The following GPR89B variants were observed in gnomAD, a reference collection of about 807,000 sequenced individuals.
The protein encoded by GPR89B is G protein-coupled receptor 89B.
In GPR89B, 25 loss-of-function variants were observed where a neutral mutation model predicts 52.4. The ratio of observed to expected loss-of-function variants is 0.48; its 90% CI spans 0.35 to 0.67. The LOEUF is 0.67. Ranked by LOEUF, GPR89B falls within the 30% of genes least tolerant of loss-of-function variation. The pLI is 0.01. For synonymous variants in GPR89B, 52 were observed against 151.2 expected (o/e 0.34, Z 4.81); for missense variants, 146 against 450.2 (o/e 0.32, Z 6.11).
rs1658827696 is a variant in GPR89B at position 147,988,513 on chromosome 1, C to G, written c.1087C>G (p.Leu363Val). 4 of 1,339,162 alleles carry G rather than the reference C, an allele frequency of 3.0e-6. No homozygotes were observed. Among genetic ancestry groups the G allele is most frequent in the Non-Finnish European group, 4.3e-6 (4 of 934,252 alleles). The allele number at this position is 1,339,162 out of a possible 1,614,324, so 83.0% of individuals were successfully genotyped here. The change falls in exon 12 of 14, where the codon CTT becomes GTT. Residue 363 changes from leucine to valine, a missense_variant. Leu to Val is a conservative substitution (Grantham distance 32, BLOSUM62 1). Transcript: ENST00000314163. Reference protein sequence around the residue: ...VTSIRGLLITLTKFFYAISSS... With the variant: ...VTSIRGLLITVTKFFYAISSS... ...ATCCATCAGAGGATTGCTGATCACT[C>G]TTACCAAGGTATGTTTTATCACAGT...
chr1:148,024,992 T>A, the GPR89B span, among the ~76,000 whole-genome samples: 1 of 152,084 alleles, frequency 6.6e-6, no homozygotes, highest in South Asian at 2.1e-4. Flanking sequence ...ATCCTATAGC[T>A]GTTTAGTCAA....
At chr1:148,014,170 CG>C in the GPR89B span, among the ~76,000 whole-genome samples, 4 of 151,204 alleles carry the variant, frequency 2.6e-5, no homozygotes, top group African/African-American at 9.8e-5. Flanking sequence ...GCTGCCTGCC[CG>C]GGATCCAAGA....
At chr1:147,940,397 C>T (rs1420936615) in intron 3 of GPR89B, among the ~76,000 whole-genome samples, 7 of 151,230 alleles carry the variant, frequency 4.6e-5, no homozygotes, top group East Asian at 2.0e-4. Context: ...AGCAAGACTC[C>T]ATCTCAAAAA....
At chr1:147,958,177 A>C (rs1571270457) in intron 7 of GPR89B, among the ~76,000 whole-genome samples, 1 of 152,130 alleles carries the variant, frequency 6.6e-6, no homozygotes, top group Non-Finnish European at 1.5e-5. Flanking sequence ...TATTGAAGGT[A>C]GACACGTGTA....
At chr1:147,937,363 G>A (rs187814447) in intron 2 of GPR89B, among the ~76,000 whole-genome samples, 12 of 152,250 alleles carry the variant, frequency 7.9e-5, no homozygotes, top group African/African-American at 2.6e-4. Context: ...TTACTGATGA[G>A]GGTCTGTGTC....
chr1:147,950,691 G>T (rs1273597798), intron 5 of GPR89B, among the ~76,000 whole-genome samples: 1 of 152,210 alleles, frequency 6.6e-6, no homozygotes, highest in South Asian at 2.1e-4. Context: ...GGCACCTCGG[G>T]AGGCCGAGGC....
rs1390886378 is a variant in GPR89B, at chr1:147,961,204, TA to T, written c.618-5349del. ...TCAAAAAGAAGAAAAAAATAGTAAA[TA>T]TTTTTTTAAAAAAAGATTGAAGAAA... On this transcript the variant is annotated intron_variant, in intron 7 of 13. Transcript: ENST00000314163. Among the ~76,000 whole-genome samples, 198 of 151,858 alleles carry T rather than the reference TA, an allele frequency of 1.3e-3. 1 individual carries two copies. Among genetic ancestry groups the T allele is most frequent in the Admixed American group, 0.011 (170 of 15,246 alleles).
At chr1:147,999,721 C>T in the GPR89B span, among the ~76,000 whole-genome samples, 1 of 151,334 alleles carries the variant, frequency 6.6e-6, no homozygotes, top group African/African-American at 2.5e-5. Flanking sequence ...AAACCTCTTC[C>T]CTGGTTACCC....
At chr1:148,021,409 G>A in the GPR89B span, among the ~76,000 whole-genome samples, 1 of 151,946 alleles carries the variant, frequency 6.6e-6, no homozygotes, top group Non-Finnish European at 1.5e-5. Flanking sequence ...GGCCGAGGCG[G>A]GAGAATGGCG....
intron 1 of GPR89B, 106 bp downstream of exon 1, chr1:147,928,684 C>G (rs587670138): frequency 3.4e-6 from 5 of 1,474,336 alleles, no homozygotes; most frequent in Admixed American, 1.7e-5. Context: ...TCCTCTCTTA[C>G]GCGGCCTGCG....
the GPR89B span, among the ~76,000 whole-genome samples, chr1:148,019,421 G>A: frequency 6.6e-6 from 1 of 151,650 alleles, no homozygotes; most frequent in African/African-American, 2.4e-5. Context: ...GGAGCCTGTT[G>A]GAGGGTGGGG....
intron 5 of GPR89B, among the ~76,000 whole-genome samples, chr1:147,947,355 A>C (rs1296155116): frequency 6.6e-6 from 1 of 152,046 alleles, no homozygotes; most frequent in Non-Finnish European, 1.5e-5. Flanking sequence ...AAAAAAGATA[A>C]GACCAATCCT....
intron 7 of GPR89B, among the ~76,000 whole-genome samples, chr1:147,956,376 G>T (rs1380164801): frequency 6.6e-6 from 1 of 152,200 alleles, no homozygotes; most frequent in Non-Finnish European, 1.5e-5. Flanking sequence ...TGGCAATTCA[G>T]TTTTTTGTGG....
chr1:147,985,408 A>C (rs1658592162), intron 10 of GPR89B, among the ~76,000 whole-genome samples: 1 of 151,956 alleles, frequency 6.6e-6, no homozygotes, highest in Non-Finnish European at 1.5e-5. Flanking sequence ...ATTTTTATCC[A>C]ATCTAACAAC....
chr1:147,985,272 A>T (rs1345571774), intron 10 of GPR89B, among the ~76,000 whole-genome samples: 1 of 151,924 alleles, frequency 6.6e-6, no homozygotes, highest in Non-Finnish European at 1.5e-5. Context: ...ATTAATATAG[A>T]CATTCTAGCT....
intron 12 of GPR89B, among the ~76,000 whole-genome samples, chr1:147,989,667 T>C (rs1310656821): frequency 1.2e-3 from 175 of 151,520 alleles, no homozygotes; most frequent in Non-Finnish European, 1.7e-3. Flanking sequence ...CACCTATGAG[T>C]GGGAATATGC....
At chr1:148,014,486 G>A in the GPR89B span, 1 of 151,266 alleles carries the variant, frequency 6.6e-6, no homozygotes, top group East Asian at 1.9e-4. Context: ...CGCATGTGGA[G>A]AAATCGCAGG....
rs587598411 is a variant in GPR89B at position 147,935,003 on chromosome 1, AT to A, written c.43-1623del. On this transcript the variant is annotated intron_variant, in intron 1 of 13. Coordinates refer to ENST00000314163, the MANE Select transcript of GPR89B (RefSeq NM_016334.5). Reference sequence around the variant, plus strand: ...AGGATACAAAGATTACAAGACAAACATGGTTTTTGTCCTCATAGAGCTTATA... The same window carrying A: ...AGGATACAAAGATTACAAGACAAACAGGTTTTTGTCCTCATAGAGCTTATA... Among the ~76,000 whole-genome samples, 709 of 151,646 alleles carry A rather than the reference AT, an allele frequency of 4.7e-3. 7 individuals are homozygous for A. Among genetic ancestry groups the A allele is most frequent in the African/African-American group, 0.016 (682 of 41,416 alleles).
rs140594340 is a variant in GPR89B, at chr1:147,928,552, G to A, written c.16G>A (p.Asp6Asn). The A allele has an allele frequency of 3.4e-5, 55 of 1,613,914 alleles. No individual in the cohort carries two copies. In the African/African-American group the frequency reaches 6.7e-4, roughly 20 times the overall value. The change falls in exon 1 of 14, where the codon GAC becomes AAC. Residue 6 changes from aspartate (D) to asparagine (N), a missense_variant. Physicochemically the swap from Asp to Asn is conservative, Grantham distance 23. Transcript: ENST00000314163. ...ACACTTCGCCATGAGTTTCCTGATCGACTCCAGCATCATGATTACCTCCCA... is the reference window on the plus strand; with the variant it reads ...ACACTTCGCCATGAGTTTCCTGATCAACTCCAGCATCATGATTACCTCCCA... MSFLI[D>N]SSIMITSQIL...
Sources: allele counts gnomAD v4.1 joint callset (sites outside exome capture counted in the v4.1 genomes callset), GRCh38; gene constraint gnomAD v4.1.1; transcripts MANE v1.5; gene names NCBI Gene and HGNC (gene_info 2026-07-23, HGNC 2026-07-21).